The following ADAMTSL1 variants were observed in gnomAD, a reference collection of about 807,000 sequenced individuals.
ADAMTSL1 encodes the protein ADAMTS like 1.
ADAMTSL1 carries 126 observed loss-of-function variants against 201.8 expected under a neutral mutation model. The ratio of observed to expected loss-of-function variants is 0.62; its 90% CI spans 0.54 to 0.72. The LOEUF (loss-of-function observed/expected upper bound fraction) is 0.72, where lower values mean the gene tolerates loss of function less well. ADAMTSL1 is among the 30% of genes least tolerant of loss of function. The pLI, the probability that ADAMTSL1 is intolerant of heterozygous loss-of-function variation, is 0.00. For synonymous variants in ADAMTSL1, 1,121 were observed against 903.4 expected (o/e 1.24, Z -4.32); for missense variants, 2,679 against 2,277.8 (o/e 1.18, Z -3.59).
chr9:18,709,362 T>C (rs1832420972), intron 14 of ADAMTSL1, among the ~76,000 whole-genome samples: 1 of 152,216 alleles, frequency 6.6e-6, no homozygotes, highest in Admixed American at 6.5e-5. Flanking sequence ...TTTTTAATTA[T>C]TTCTTCTGAA....
chr9:18,109,747 G>A (rs1824920306), intron 1 of ADAMTSL1, among the ~76,000 whole-genome samples: 1 of 152,154 alleles, frequency 6.6e-6, no homozygotes, highest in Admixed American at 6.6e-5. Context: ...AATGTCCCTT[G>A]AATTCTTAGC....
chr9:18,176,027 A>AAT (rs1828137270), intron 2 of ADAMTSL1, among the ~76,000 whole-genome samples: 1 of 146,392 alleles, frequency 6.8e-6, no homozygotes. Flanking sequence ...AAAAAAAAAA[A>AAT]AAAAAAGGCA....
chr9:18,853,918 T>TGTGTGTGTGTGC (rs139332733), intron 23 of ADAMTSL1, among the ~76,000 whole-genome samples: 3,375 of 145,418 alleles, frequency 0.023, 77 homozygotes, highest in Admixed American at 0.062. Flanking sequence ...TGTGTGTGTG[T>TGTGTGTGTGTGC]GCGCGTGCAT....
intron 14 of ADAMTSL1, among the ~76,000 whole-genome samples, chr9:18,712,923 G>C (rs1461008783): frequency 6.7e-6 from 1 of 148,228 alleles, no homozygotes; most frequent in East Asian, 2.0e-4. Context: ...CTACAAGCCA[G>C]AAGAGAGTGG....
chr9:18,176,634 T>G (rs531599905), intron 2 of ADAMTSL1, among the ~76,000 whole-genome samples: 1 of 152,298 alleles, frequency 6.6e-6, no homozygotes, highest in Non-Finnish European at 1.5e-5. Context: ...ATGATGCAAT[T>G]TAAAGAATAC....
intron 2 of ADAMTSL1, among the ~76,000 whole-genome samples, chr9:18,233,164 A>G (rs563317633): frequency 6.6e-6 from 1 of 152,334 alleles, no homozygotes; most frequent in African/African-American, 2.4e-5. Context: ...AGATTGCGGC[A>G]CACACACAAA....
rs141742135 is a variant in ADAMTSL1, at chr9:18,681,846, G to C, written c.1376G>C (p.Arg459Pro). 6.2e-7 allele frequency: 1 copy of C among 1,613,682 alleles called. No homozygotes were observed. The highest frequency in any genetic ancestry group is 8.5e-7 in the Non-Finnish European group (1 of 1,179,690). Residue 459 changes from arginine (R) to proline (P), a missense_variant, in exon 12 of 29, where the codon CGT (arginine) becomes CCT (proline). Physicochemically the swap from Arg to Pro is moderately radical, Grantham distance 103. Transcript: ENST00000380548. ...TVTCGQGLRY[R>P]VVLCIDHRGM... is the part of the protein sequence containing the mutation. ...ACATGTGGCCAGGGCCTCAGATACC[G>C]TGTGGTCCTCTGCATCGACCATCGA...
At chr9:18,179,545 G>C (rs1349616900) in intron 2 of ADAMTSL1, among the ~76,000 whole-genome samples, 2 of 152,078 alleles carry the variant, frequency 1.3e-5, no homozygotes, top group South Asian at 2.1e-4. Flanking sequence ...GATACTCCTC[G>C]AGAAGAGCAA....
chr9:18,807,550 C>A (rs1186938068), intron 20 of ADAMTSL1, among the ~76,000 whole-genome samples: 1 of 150,066 alleles, frequency 6.7e-6, no homozygotes, highest in Non-Finnish European at 1.5e-5. Context: ...GAGCCTGAGG[C>A]GGGAGAACCG....
At chr9:18,259,499 A>G (rs1657585156) in intron 2 of ADAMTSL1, among the ~76,000 whole-genome samples, 1 of 147,574 alleles carries the variant, frequency 6.8e-6, no homozygotes, top group African/African-American at 2.6e-5. Context: ...ATGACAGAAT[A>G]ACTCTGTCTC....
At chr9:18,592,736 TG>T (rs1824006279) in intron 4 of ADAMTSL1, among the ~76,000 whole-genome samples, 1 of 152,336 alleles carries the variant, frequency 6.6e-6, no homozygotes, top group Middle Eastern at 3.4e-3. Context: ...ATCTTAGGAT[TG>T]TTTTTTCTAT....
chr9:18,479,793 A>G lies in ADAMTSL1; in HGVS notation c.63+5498A>G, dbSNP rs191532442. ...TGAATAAATAAATGGAAAAATAAGA[A>G]TGACTTGGCAAGAAAAGGTGAAAAC... On this transcript the variant is annotated intron_variant, in intron 1 of 28. Coordinates refer to ENST00000380548, the MANE Select transcript of ADAMTSL1 (RefSeq NM_001040272.6). Among the ~76,000 whole-genome samples, 242 of 152,318 alleles carry G rather than the reference A, an allele frequency of 1.6e-3. 3 individuals carry two copies. The highest frequency in any genetic ancestry group is 5.7e-3 in the African/African-American group (237 of 41,576).
At chr9:18,494,900 T>C (rs1822454821) in intron 1 of ADAMTSL1, among the ~76,000 whole-genome samples, 1 of 151,958 alleles carries the variant, frequency 6.6e-6, no homozygotes, top group Non-Finnish European at 1.5e-5. Context: ...TAGCAAGGAG[T>C]GAACAGTTGA....
At chr9:18,563,673 G>T (rs1310239416) in intron 3 of ADAMTSL1, among the ~76,000 whole-genome samples, 1 of 152,216 alleles carries the variant, frequency 6.6e-6, no homozygotes, top group Non-Finnish European at 1.5e-5. Flanking sequence ...GTAAGCCCCT[G>T]ACTGGGGCTG....
At chr9:18,675,359 A>C (rs1830075749) in intron 9 of ADAMTSL1, among the ~76,000 whole-genome samples, 1 of 152,190 alleles carries the variant, frequency 6.6e-6, no homozygotes, top group Admixed American at 6.5e-5. Context: ...CTGCCAAGAG[A>C]AGAAACCTAG....
chr9:18,815,181 A>G (rs1823755804), intron 20 of ADAMTSL1, among the ~76,000 whole-genome samples: 1 of 152,166 alleles, frequency 6.6e-6, no homozygotes, highest in African/African-American at 2.4e-5. Flanking sequence ...TAGAACTACC[A>G]TATGATCCAG....
chr9:18,682,408 T>C (rs938527296), intron 12 of ADAMTSL1, among the ~76,000 whole-genome samples: 4 of 152,190 alleles, frequency 2.6e-5, no homozygotes, highest in East Asian at 1.9e-4. Flanking sequence ...ACTTTTTATA[T>C]TGAAAATTAA....
intron 2 of ADAMTSL1, among the ~76,000 whole-genome samples, chr9:18,461,531 GAC>G (rs1444545429): frequency 6.6e-6 from 1 of 152,048 alleles, no homozygotes; most frequent in Non-Finnish European, 1.5e-5. Context: ...TTTGTTCACA[GAC>G]AGGGTAGACA....
At chr9:18,144,207 CT>C in intron 1 of ADAMTSL1, among the ~76,000 whole-genome samples, 1 of 151,756 alleles carries the variant, frequency 6.6e-6, no homozygotes, top group South Asian at 2.1e-4. Flanking sequence ...TTCTTTCTTT[CT>C]TTCTTTCTTT....
Sources: gnomAD v4.1 joint callset for allele counts (sites outside exome capture counted in the v4.1 genomes callset) on GRCh38, gnomAD v4.1.1 for gene constraint, MANE v1.5 for transcripts, NCBI Gene and HGNC (gene_info 2026-07-23, HGNC 2026-07-21) for gene names.